Variants in SP6 observed in about 807,000 individuals in gnomAD.
The protein encoded by SP6 is Sp6 transcription factor, also known as transcription factor Sp6.
SP6 carries 10 observed loss-of-function variants against 23.4 expected under a neutral mutation model. The observed-to-expected ratio is 0.43, with a 90% confidence interval of 0.26 to 0.72. The LOEUF (loss-of-function observed/expected upper bound fraction) is 0.72, where lower values mean the gene tolerates loss of function less well. SP6 is among the 30% of genes least tolerant of loss of function. The pLI, the probability that SP6 is intolerant of heterozygous loss-of-function variation, is 0.23. For missense variants in SP6, 482 were observed against 523.8 expected, an observed-to-expected ratio of 0.92 and a Z score of 0.78; for synonymous variants, 238 against 238.7, an observed-to-expected ratio of 1.00 and a Z score of 0.03.
the SP6 span, among the ~76,000 whole-genome samples, chr17:47,868,232 ACT>A: frequency 2.0e-5 from 3 of 151,728 alleles, no homozygotes; most frequent in Non-Finnish European, 1.5e-5. Flanking sequence ...TCCCTCACAC[ACT>A]CTCCACTCCC....
chr17:47,853,947 C>T (rs2033980331), upstream of SP6, among the ~76,000 whole-genome samples: 1 of 152,226 alleles, frequency 6.6e-6, no homozygotes, highest in African/African-American at 2.4e-5. Context: ...TGTTTTCCCA[C>T]CGAATGACGG....
upstream of SP6, among the ~76,000 whole-genome samples, chr17:47,857,953 A>T (rs1167003734): frequency 1.6e-5 from 2 of 127,866 alleles, no homozygotes; most frequent in Admixed American, 1.7e-4. Flanking sequence ...CCAGCAGCTC[A>T]CTCCCAGCGC....
chr17:47,863,570 T>C, the SP6 span, among the ~76,000 whole-genome samples: 3 of 130,128 alleles, frequency 2.3e-5, no homozygotes, highest in African/African-American at 1.0e-4. Flanking sequence ...TCTTCTTCTT[T>C]TTTTTTTTTT....
upstream of SP6, among the ~76,000 whole-genome samples, chr17:47,857,700 C>G (rs1028859983): frequency 6.6e-6 from 1 of 152,168 alleles, no homozygotes; most frequent in Non-Finnish European, 1.5e-5. Flanking sequence ...TTTCCTAACA[C>G]CAGTGATGGG....
chr17:47,847,434 G>A lies in SP6; in HGVS notation c.996C>T (p.His332=), dbSNP rs1423707962. 1 of 1,613,702 alleles carries A rather than the reference G, an allele frequency of 6.2e-7. No individual in the cohort carries two copies. ...VFMRSDHLAK[H]MKTHEGAKEE... ...CCTTGGCGCCCTCGTGGGTTTTCAT[G>A]TGCTTGGCCAGGTGGTCGCTGCGCA... Residue 332 remains histidine (H), a synonymous_variant, in exon 2 of 2, where the codon CAC becomes CAT. Coordinates refer to ENST00000536300, the MANE Select transcript of SP6 (RefSeq NM_001258248.2).
chr17:47,852,314 C>T (rs1169214050), upstream of SP6, among the ~76,000 whole-genome samples: 1 of 152,164 alleles, frequency 6.6e-6, no homozygotes, highest in Non-Finnish European at 1.5e-5. Context: ...ACCCGCAAAG[C>T]ACCGGTGGGT....
chr17:47,874,098 T>A, the SP6 span, among the ~76,000 whole-genome samples: 94 of 151,696 alleles, frequency 6.2e-4, 2 homozygotes, highest in East Asian at 0.016. Flanking sequence ...TCTTCTTTTT[T>A]GTTATTTTGA....
the SP6 span, among the ~76,000 whole-genome samples, chr17:47,874,272 G>C: frequency 2.6e-5 from 4 of 151,874 alleles, no homozygotes; most frequent in African/African-American, 7.3e-5. Context: ...ATTTTTTTCT[G>C]TAGAGGCTGG....
At chr17:47,862,061 A>G in the SP6 span, among the ~76,000 whole-genome samples, 33 of 147,114 alleles carry the variant, frequency 2.2e-4, no homozygotes, top group African/African-American at 6.9e-4. Context: ...AAAAAAAAAA[A>G]GCCTGGCATG....
Position 47,847,317 on chromosome 17 carries a change from G to T in SP6, c.1113C>A (p.Ser371Arg). ...GGKGKREAEG[S>R]VAPSN ...GAGGAGCTCAGTTGGAGGGAGCCACGCTGCCCTCGGCCTCGCGTTTGCCTT... is the reference window on the plus strand; with the variant it reads ...GAGGAGCTCAGTTGGAGGGAGCCACTCTGCCCTCGGCCTCGCGTTTGCCTT... The change falls in exon 2 of 2, where the codon AGC (serine) becomes AGA (arginine). Residue 371 changes from serine to arginine, a missense_variant. This residue lies in a region of SP6 where 101 missense variants were observed against 99.3 expected (regional missense o/e 1.02). Coordinates refer to ENST00000536300, the MANE Select transcript of SP6 (RefSeq NM_001258248.2). 1 of 1,562,102 alleles carries T rather than the reference G, an allele frequency of 6.4e-7. No homozygotes were observed.
upstream of SP6, among the ~76,000 whole-genome samples, chr17:47,854,028 A>G (rs998799152): frequency 9.2e-5 from 14 of 152,188 alleles, no homozygotes; most frequent in African/African-American, 3.1e-4. Context: ...TTGCTACTCA[A>G]AATTGAACAA....
chr17:47,865,098 C>T, the SP6 span: 1 of 152,250 alleles, frequency 6.6e-6, no homozygotes, highest in Non-Finnish European at 1.5e-5. Context: ...CTGCCTGCCG[C>T]AGGGCAAACT....
chr17:47,875,338 C>A, the SP6 span, among the ~76,000 whole-genome samples: 1 of 152,196 alleles, frequency 6.6e-6, no homozygotes, highest in Non-Finnish European at 1.5e-5. Context: ...GCAGTCCCCC[C>A]CAAGGCCTCC....
the SP6 span, among the ~76,000 whole-genome samples, chr17:47,874,404 C>A: frequency 6.6e-6 from 1 of 152,116 alleles, no homozygotes; most frequent in Non-Finnish European, 1.5e-5. Flanking sequence ...TTTTCAAAAT[C>A]TTCCTCAAAA....
At chr17:47,868,043 C>T in the SP6 span, among the ~76,000 whole-genome samples, 1 of 152,168 alleles carries the variant, frequency 6.6e-6, no homozygotes, top group Non-Finnish European at 1.5e-5. Context: ...CACTCAGTCA[C>T]ACATCCTCTT....
chr17:47,853,037 T>G (rs1676309145), upstream of SP6, among the ~76,000 whole-genome samples: 2 of 152,250 alleles, frequency 1.3e-5, no homozygotes. Flanking sequence ...GCCCCAGCCC[T>G]GCACTTGCTA....
chr17:47,851,626 G>C (rs947246118), upstream of SP6, among the ~76,000 whole-genome samples: 2 of 152,160 alleles, frequency 1.3e-5, no homozygotes, highest in Non-Finnish European at 2.9e-5. Context: ...ACAAGATTGA[G>C]CGCCAAGTAT....
chr17:47,848,631 T>C lies in SP6; in HGVS notation c.-57-145A>G. ...GAGATGAGTTTAGAGAATTCGGGAG[T>C]GCGAGGAAGGGTCCAAGATGTGAGG... On this transcript the variant is annotated intron_variant, in intron 1 of 1. Coordinates refer to ENST00000536300, the MANE Select transcript of SP6 (RefSeq NM_001258248.2). The surrounding 1 kb of genome is among the most constrained non-coding windows in gnomAD (Gnocchi z 5.3). The C allele has an allele frequency of 1.9e-6, 1 of 536,940 alleles. No individual in the cohort carries two copies. Among genetic ancestry groups the C allele is most frequent in the Non-Finnish European group, 3.3e-6 (1 of 303,264 alleles). The allele number at this position is 536,940 out of a possible 1,614,324, so 33.3% of individuals were successfully genotyped here. A position where few individuals can be genotyped will look rare whatever the true frequency, so the allele number is the denominator to read the frequency against.
chr17:47,862,758 G>A, the SP6 span, among the ~76,000 whole-genome samples: 3 of 152,326 alleles, frequency 2.0e-5, no homozygotes, highest in Admixed American at 2.0e-4. Flanking sequence ...CCAGCATGTG[G>A]GACTTCCTGT....
Sources: allele counts gnomAD v4.1 joint callset (sites outside exome capture counted in the v4.1 genomes callset), GRCh38; gene constraint gnomAD v4.1.1; regional missense constraint gnomAD v4.1.1; non-coding constraint Gnocchi (gnomAD v3.1); transcripts MANE v1.5; gene names NCBI Gene and HGNC (gene_info 2026-07-23, HGNC 2026-07-21).